The following LRRC36 variants were observed in gnomAD, a reference collection of about 807,000 sequenced individuals.
LRRC36 encodes the protein leucine rich repeat containing 36.
LRRC36 carries 62 observed loss-of-function variants against 81.1 expected under a neutral mutation model. That is an observed-to-expected ratio of 0.76 (90% CI 0.62 to 0.94). The LOEUF is 0.94. Ranked by LOEUF, LRRC36 falls within the 40% of genes least tolerant of loss-of-function variation. LRRC36 has a pLI of 0.00. For synonymous variants in LRRC36, 334 were observed against 348.6 expected (o/e 0.96, Z 0.47); for missense variants, 761 against 881.7 (o/e 0.86, Z 1.73).
intron 9 of LRRC36, 154 bp downstream of exon 9, chr16:67,371,396 C>A: frequency 1.2e-6 from 1 of 833,226 alleles, no homozygotes; most frequent in Non-Finnish European, 2.0e-6. Context: ...AAGCTAACAC[C>A]TGTTGAGCCT....
rs2038501867 is a variant in LRRC36 at position 67,349,257 on chromosome 16, G to A, written c.489-945G>A. Among the ~76,000 whole-genome samples, 3 of 151,392 alleles carry A rather than the reference G, an allele frequency of 2.0e-5. No homozygotes were observed. The South Asian group carries it at 6.3e-4, about 32-fold the overall frequency. ...AAACTGGAGGAAAAATGTTACTCAA[G>A]TACCCTGTATTAACATTAATATCTT... On this transcript the variant is annotated intron_variant, in intron 4 of 13. Coordinates refer to ENST00000329956, the MANE Select transcript of LRRC36 (RefSeq NM_018296.6).
intron 13 of LRRC36, among the ~76,000 whole-genome samples, chr16:67,383,771 A>G (rs756504927): frequency 6.6e-6 from 1 of 152,238 alleles, no homozygotes. Context: ...TGTCAACTCT[A>G]TGAAATAAGA....
intron 9 of LRRC36, 117 bp downstream of exon 9, chr16:67,371,359 T>G (rs766204311): frequency 2.4e-6 from 3 of 1,261,828 alleles, no homozygotes; most frequent in Middle Eastern, 1.9e-4. Context: ...TCAAAGAGAT[T>G]TTCAGAGGCT....
chr16:67,378,356 C>T (rs1446794437), intron 11 of LRRC36, among the ~76,000 whole-genome samples: 4 of 149,554 alleles, frequency 2.7e-5, no homozygotes, highest in Admixed American at 6.7e-5. Flanking sequence ...TCTCCTGTCT[C>T]AGCCTCCCGA....
intron 9 of LRRC36, among the ~76,000 whole-genome samples, chr16:67,374,767 TTTGTC>T (rs1440716373): frequency 2.8e-4 from 43 of 152,300 alleles, no homozygotes; most frequent in Non-Finnish European, 3.4e-4. Flanking sequence ...ATCTTATGTT[TTTGTC>T]TTAGACATAA....
intron 1 of LRRC36, among the ~76,000 whole-genome samples, chr16:67,338,937 C>T (rs900138846): frequency 1.1e-4 from 13 of 117,406 alleles, no homozygotes; most frequent in African/African-American, 4.3e-4. Context: ...CTCTGTTGCC[C>T]AGGCTGGAGT....
At position 67,378,711 on chromosome 16, in the gene LRRC36, T is replaced by C. The variant is rs367959417; in HGVS notation, c.1929T>C (p.Tyr643=). 2.5e-6 allele frequency: 4 copies of C among 1,613,674 alleles called. No homozygotes were observed. Among genetic ancestry groups the C allele is most frequent in the African/African-American group, 2.7e-5 (2 of 74,926 alleles). ...TGAGTGGGCAACAGTCACATACTTATGGTAAGTTGAGGAAAGCCATGATAT... is the reference window on the plus strand; with the variant it reads ...TGAGTGGGCAACAGTCACATACTTACGGTAAGTTGAGGAAAGCCATGATAT... ...SIVSGQQSHT[Y]DDLLHKNQQL... is the part of the protein sequence containing the mutation. The change falls in exon 12 of 14, where the codon TAT becomes TAC. Residue 643 remains tyrosine, a splice_region_variant and synonymous_variant. Coordinates refer to ENST00000329956, the MANE Select transcript of LRRC36 (RefSeq NM_018296.6).
chr16:67,378,235 C>CTTTTTTTTTTTTTTTTTTTTT (rs1015471341), intron 11 of LRRC36, among the ~76,000 whole-genome samples: 2 of 100,484 alleles, frequency 2.0e-5, no homozygotes, highest in African/African-American at 9.5e-5. Flanking sequence ...ATGTCAGATT[C>CTTTTTTTTTTTTTTTTTTTTT]TTTTTTTTTT....
In LRRC36 at chr16:67,330,082, T is replaced by C. The variant is rs191891276; in HGVS notation, c.70+3150T>C. On this transcript the variant is annotated intron_variant, in intron 1 of 13. Transcript: ENST00000329956. ...AAAGAGTTTACTATAACCTGAACTT[T>C]GCTCATTGCATTCCTAAGATGTTAA... Among the ~76,000 whole-genome samples, 12 of 152,328 alleles carry C rather than the reference T, an allele frequency of 7.9e-5. No individual in the cohort carries two copies. The East Asian group carries it at 2.1e-3, about 27-fold the overall frequency.
intron 1 of LRRC36, among the ~76,000 whole-genome samples, chr16:67,339,806 T>C (rs1228999882): frequency 6.6e-6 from 1 of 151,234 alleles, no homozygotes; most frequent in Non-Finnish European, 1.5e-5. Context: ...TTCTCCGTGG[T>C]ATGGGTCTTG....
At chr16:67,384,728 TAACTC>T (rs568822655) in intron 13 of LRRC36, 137 bp from the exon 14 acceptor site, 15 of 626,870 alleles carry the variant, frequency 2.4e-5, no homozygotes, top group African/African-American at 2.0e-4. Flanking sequence ...GCTTTTAAAA[TAACTC>T]AATCATAAAT....
intron 13 of LRRC36, 55 bp downstream of exon 13, chr16:67,382,302 C>A: frequency 7.8e-7 from 1 of 1,280,144 alleles, no homozygotes; most frequent in Non-Finnish European, 1.1e-6. Context: ...CTCCTTTTAT[C>A]TCCTTTGTTT....
chr16:67,349,592 A>T (rs563481610), intron 4 of LRRC36, among the ~76,000 whole-genome samples: 14 of 152,030 alleles, frequency 9.2e-5, no homozygotes, highest in African/African-American at 3.4e-4. Context: ...AAACTGTCCT[A>T]CCCCCTCAAT....
chr16:67,333,377 C>T (rs2037592102), intron 1 of LRRC36, among the ~76,000 whole-genome samples: 1 of 152,140 alleles, frequency 6.6e-6, no homozygotes, highest in Non-Finnish European at 1.5e-5. Flanking sequence ...AGTGATCCAC[C>T]TGCCTCCGCC....
At chr16:67,361,178 A>T (rs1466461655) in intron 5 of LRRC36, among the ~76,000 whole-genome samples, 1 of 152,096 alleles carries the variant, frequency 6.6e-6, no homozygotes, top group Non-Finnish European at 1.5e-5. Context: ...GCTGGGACTC[A>T]TGCCACTAAG....
chr16:67,375,243 T>C lies in LRRC36; in HGVS notation c.1495-4T>C. On this transcript the variant is annotated splice_polypyrimidine_tract_variant and splice_region_variant and intron_variant, in intron 9 of 13. Transcript: ENST00000329956. Reference sequence around the variant, plus strand: ...TTTGTTTTTGCTTTTTTTTTTCTCTTGAGCCTCTCTCTAGTGACCTGGGTA... The same window carrying C: ...TTTGTTTTTGCTTTTTTTTTTCTCTCGAGCCTCTCTCTAGTGACCTGGGTA... 6.2e-7 allele frequency: 1 copy of C among 1,611,018 alleles called. No individual in the cohort carries two copies. Among genetic ancestry groups the C allele is most frequent in the Non-Finnish European group, 8.5e-7 (1 of 1,179,580 alleles).
At chr16:67,347,694 A>G in intron 4 of LRRC36, 103 bp downstream of exon 4, 1 of 777,150 alleles carries the variant, frequency 1.3e-6, no homozygotes, top group Non-Finnish European at 2.1e-6. Flanking sequence ...TTTCCCACAA[A>G]TTGTAAGAAT....
Position 67,375,286 on chromosome 16 carries a change from G to A in LRRC36, c.1534G>A (p.Gly512Arg). The change falls in exon 10 of 14, where the codon GGA (glycine) becomes AGA (arginine). Residue 512 changes from glycine (G) to arginine (R), a missense_variant. By Grantham distance (125) the Gly-to-Arg change is moderately radical. Around this residue, in one of 3 missense-constraint regions of LRRC36, gnomAD observed 359 missense variants for 388.4 expected, o/e 0.92. Transcript: ENST00000329956. ...CCTGGGTAGTTTGCACGGTTTGGCTGGAAACCACAGTCCCCCCATCTCTGC... is the reference window on the plus strand; with the variant it reads ...CCTGGGTAGTTTGCACGGTTTGGCTAGAAACCACAGTCCCCCCATCTCTGC... ...SDLGSLHGLA[G>R]NHSPPISART... The A allele has an allele frequency of 5.0e-6, 8 of 1,612,620 alleles. No homozygotes were observed. Among genetic ancestry groups the A allele is most frequent in the Non-Finnish European group, 6.8e-6 (8 of 1,179,754 alleles).
At chr16:67,377,873 T>C (rs1262332833) in intron 11 of LRRC36, among the ~76,000 whole-genome samples, 1 of 152,026 alleles carries the variant, frequency 6.6e-6, no homozygotes, top group Non-Finnish European at 1.5e-5. Flanking sequence ...GACTTCATGA[T>C]CCGCCTGCCT....
Sources: gnomAD v4.1 joint callset for allele counts (sites outside exome capture counted in the v4.1 genomes callset) on GRCh38, gnomAD v4.1.1 for gene constraint, gnomAD v4.1.1 regional missense constraint, MANE v1.5 for transcripts, NCBI Gene and HGNC (gene_info 2026-07-23, HGNC 2026-07-21) for gene names.